KANSL1L: variants seen among roughly 807,000 people sequenced by gnomAD.
KANSL1L encodes KAT8 regulatory NSL complex subunit 1-like protein.
KANSL1L carries 25 observed loss-of-function variants against 108.6 expected under a neutral mutation model. The ratio of observed to expected loss-of-function variants is 0.23; its 90% confidence interval spans 0.17 to 0.32. KANSL1L has a LOEUF of 0.32. Among genes scored for constraint, KANSL1L ranks in the 10% least tolerant of loss-of-function variants. The pLI is 1.00. For synonymous variants in KANSL1L, 405 were observed against 395.1 expected (o/e 1.03, Z -0.30); for missense variants, 1,137 against 1,125.7 (o/e 1.01, Z -0.14).
intron 1 of KANSL1L, among the ~76,000 whole-genome samples, chr2:210,166,570 A>G (rs1687983280): frequency 6.6e-6 from 1 of 152,130 alleles, no homozygotes; most frequent in Non-Finnish European, 1.5e-5. Flanking sequence ...TCTGATTTAT[A>G]TTCTAGAATG....
At chr2:210,064,884 G>A (rs1318197142) in intron 6 of KANSL1L, among the ~76,000 whole-genome samples, 2 of 150,664 alleles carry the variant, frequency 1.3e-5, no homozygotes, top group Non-Finnish European at 3.0e-5. Context: ...AAAAAGTGGA[G>A]TATAGAAGGA....
In KANSL1L at chr2:210,130,622, T is replaced by G. The variant is rs535147322; in HGVS notation, c.1089-1450A>C. 4.6e-5 allele frequency among the ~76,000 whole-genome samples: 7 copies of G among 152,342 alleles called. No homozygotes were observed. In the South Asian group the frequency reaches 1.4e-3, roughly 32 times the overall value. ...ATTATTTATTGTTTATAGTCATTAC[T>G]GTGGTTTCATAAATTTGACACTTAA... is the stretch of plus-strand genomic sequence containing the variant. On this transcript the variant is annotated intron_variant, in intron 2 of 14. Coordinates refer to ENST00000281772, the MANE Select transcript of KANSL1L (RefSeq NM_152519.4).
chr2:210,027,283 A>G lies in KANSL1L; in HGVS notation c.2451+13T>C. On this transcript the variant is annotated intron_variant, in intron 12 of 14. Transcript: ENST00000281772. ...TAATGTGCAATTATCCCATTAAATG[A>G]AAGGCAGCTTACCTCTTCTTTGCCT... The G allele has an allele frequency of 6.4e-7, 1 of 1,573,626 alleles. No individual in the cohort carries two copies. The highest frequency in any genetic ancestry group is 8.7e-7 in the Non-Finnish European group (1 of 1,143,204).
chr2:210,141,636 T>C (rs1047216166), intron 2 of KANSL1L, among the ~76,000 whole-genome samples: 1 of 152,112 alleles, frequency 6.6e-6, no homozygotes, highest in Non-Finnish European at 1.5e-5. Context: ...TTTCTTACAA[T>C]AGCCCAAGCA....
chr2:210,028,693 C>T (rs1471003009), intron 11 of KANSL1L, 152 bp downstream of exon 11: 3 of 597,908 alleles, frequency 5.0e-6, no homozygotes, highest in Non-Finnish European at 8.7e-6. Context: ...ACACTTAAGG[C>T]ACGAGTAATT....
At chr2:210,027,433 A>C (rs1241457943) in intron 11 of KANSL1L, 83 bp from the exon 12 acceptor site, 1 of 868,584 alleles carries the variant, frequency 1.2e-6, no homozygotes, top group Non-Finnish European at 1.9e-6. Context: ...TAAATGTATT[A>C]GTGTTTCCTT....
chr2:210,061,115 G>A (rs189128422), intron 6 of KANSL1L, among the ~76,000 whole-genome samples: 1 of 152,216 alleles, frequency 6.6e-6, no homozygotes, highest in Admixed American at 6.5e-5. Context: ...TACACTTCTT[G>A]ACTTATTCTT....
intron 8 of KANSL1L, chr2:210,032,364 A>T (rs1390782677): frequency 6.6e-6 from 1 of 152,246 alleles, no homozygotes; most frequent in Non-Finnish European, 1.5e-5. Context: ...TGCAAGCAAA[A>T]AGTGGAACCT....
At chr2:210,041,990 T>C (rs566924897) in intron 7 of KANSL1L, among the ~76,000 whole-genome samples, 3 of 152,268 alleles carry the variant, frequency 2.0e-5, no homozygotes, top group African/African-American at 7.2e-5. Flanking sequence ...TCCTTAAACA[T>C]TTCAGGATTC....
chr2:210,115,138 C>A (rs1375417937), intron 3 of KANSL1L, among the ~76,000 whole-genome samples: 1 of 152,072 alleles, frequency 6.6e-6, no homozygotes, highest in Non-Finnish European at 1.5e-5. Context: ...CCCCAAAACA[C>A]AGAAATTAGA....
rs1455695228 is a variant in KANSL1L at position 210,027,323 on chromosome 2, C to G, written c.2424G>C (p.Leu808Phe). The G allele has an allele frequency of 6.2e-7, 1 of 1,612,582 alleles. No homozygotes were observed. The highest frequency in any genetic ancestry group is 1.3e-5 in the African/African-American group (1 of 74,960). ...CTTCTTTGCCTAAATTATATTCATC[C>G]AAAGGCTGAAGAACAACCATCCTCC... ...PSWRMVVLQP[L>F]DEYNLGKEEI... Residue 808 changes from leucine (L) to phenylalanine (F), a missense_variant, in exon 12 of 15, where the codon TTG becomes TTC. Physicochemically the swap from Leu to Phe is conservative, Grantham distance 22. Transcript: ENST00000281772.
At chr2:210,025,945 G>A (rs893424536) in intron 12 of KANSL1L, among the ~76,000 whole-genome samples, 3 of 152,158 alleles carry the variant, frequency 2.0e-5, no homozygotes, top group African/African-American at 7.2e-5. Context: ...TAGTCTTAAT[G>A]TTTTATTCAT....
At chr2:210,069,310 T>G (rs1160436603) in intron 6 of KANSL1L, among the ~76,000 whole-genome samples, 1 of 152,210 alleles carries the variant, frequency 6.6e-6, no homozygotes, top group Non-Finnish European at 1.5e-5. Flanking sequence ...GCAAATTCTG[T>G]TCATGATGAT....
At chr2:210,051,985 C>A (rs767862218) in intron 6 of KANSL1L, among the ~76,000 whole-genome samples, 2 of 143,972 alleles carry the variant, frequency 1.4e-5, no homozygotes, top group Non-Finnish European at 1.5e-5. Flanking sequence ...TTTTAAATTT[C>A]TTTCTTTCTT....
At chr2:210,033,941 G>A in intron 8 of KANSL1L, among the ~76,000 whole-genome samples, 1 of 152,002 alleles carries the variant, frequency 6.6e-6, no homozygotes, top group Non-Finnish European at 1.5e-5. Context: ...CCTTGAAACC[G>A]TAGGAAATGT....
intron 6 of KANSL1L, among the ~76,000 whole-genome samples, chr2:210,058,710 G>A (rs555168939): frequency 4.9e-4 from 75 of 151,984 alleles, no homozygotes; most frequent in African/African-American, 1.7e-3. Context: ...GGTGGCGGGC[G>A]CCTGTAGTCC....
chr2:210,150,382 T>C (rs559142062), intron 2 of KANSL1L, among the ~76,000 whole-genome samples: 1 of 152,218 alleles, frequency 6.6e-6, no homozygotes, highest in African/African-American at 2.4e-5. Flanking sequence ...TCTGTATATG[T>C]TTTACACAAA....
At chr2:210,068,023 G>A (rs969681719) in intron 6 of KANSL1L, among the ~76,000 whole-genome samples, 4 of 151,914 alleles carry the variant, frequency 2.6e-5, no homozygotes, top group South Asian at 2.1e-4. Flanking sequence ...GATTACAGGC[G>A]CCTGCCACCA....
Position 210,025,090 on chromosome 2 carries a change from A to C in KANSL1L, c.2564+14T>G. On this transcript the variant is annotated intron_variant, in intron 13 of 14. Coordinates refer to ENST00000281772, the MANE Select transcript of KANSL1L (RefSeq NM_152519.4). ...ATGGATTCTATGGCTTGGGGTTTTA[A>C]ATTTGTAACCTGCCTGCTGTTTCTT... 1 of 1,542,848 alleles carries C rather than the reference A, an allele frequency of 6.5e-7. No homozygotes were observed.
Sources: allele counts gnomAD v4.1 joint callset (sites outside exome capture counted in the v4.1 genomes callset), GRCh38; gene constraint gnomAD v4.1.1; transcripts MANE v1.5; gene names NCBI Gene and HGNC (gene_info 2026-07-23, HGNC 2026-07-21).